RPSA2: variants seen among roughly 807,000 people sequenced by gnomAD.
RPSA2 encodes ribosomal protein SA 2.
chr19:23,816,635 G>T, the RPSA2 span, among the ~76,000 whole-genome samples: 1 of 151,958 alleles, frequency 6.6e-6, no homozygotes, highest in Non-Finnish European at 1.5e-5. Context: ...TAATCATGTT[G>T]TCTATTCATG....
the RPSA2 span, chr19:23,832,154 G>A: frequency 4.8e-6 from 2 of 416,328 alleles, no homozygotes; most frequent in South Asian, 1.9e-5. Context: ...GAAGAATGTG[G>A]CAAAGCATTT....
the RPSA2 span, chr19:23,828,147 TTATGAGTCTATAAATGACTACTTA>T: frequency 1.5e-6 from 1 of 680,730 alleles, no homozygotes. Flanking sequence ...GCTGCAATAA[TTATGAGTCTATAAATGACTACTTA>T]TATGACCATA....
the RPSA2 span, among the ~76,000 whole-genome samples, chr19:23,835,455 A>T: frequency 7.9e-5 from 12 of 152,170 alleles, no homozygotes; most frequent in African/African-American, 2.9e-4. Flanking sequence ...AAAAATTCTC[A>T]AAAATGGTGA....
the RPSA2 span, among the ~76,000 whole-genome samples, chr19:23,810,129 C>T: frequency 1.7e-4 from 26 of 152,132 alleles, no homozygotes; most frequent in Non-Finnish European, 3.5e-4. Context: ...TGCGGTGGCT[C>T]ATGCCTGTAA....
the RPSA2 span, among the ~76,000 whole-genome samples, chr19:23,801,493 G>C: frequency 6.6e-6 from 1 of 152,104 alleles, no homozygotes; most frequent in South Asian, 2.1e-4. Context: ...CACTTGCGTC[G>C]GCCTCCCAAA....
the RPSA2 span, among the ~76,000 whole-genome samples, chr19:23,867,058 T>C: frequency 1.3e-5 from 2 of 152,116 alleles, no homozygotes; most frequent in Non-Finnish European, 2.9e-5. Flanking sequence ...AAAGGAGAAA[T>C]GAGGAAATAA....
At chr19:23,794,433 T>C in the RPSA2 span, among the ~76,000 whole-genome samples, 7 of 152,250 alleles carry the variant, frequency 4.6e-5, no homozygotes, top group African/African-American at 1.7e-4. Flanking sequence ...TTTGCATTTC[T>C]CTAATGATTA....
the RPSA2 span, among the ~76,000 whole-genome samples, chr19:23,870,727 C>T: frequency 6.6e-6 from 1 of 152,070 alleles, no homozygotes; most frequent in East Asian, 1.9e-4. Context: ...AGATGGATTG[C>T]CAATCAGAAA....
the RPSA2 span, among the ~76,000 whole-genome samples, chr19:23,821,389 A>G: frequency 6.6e-6 from 1 of 152,318 alleles, no homozygotes; most frequent in Non-Finnish European, 1.5e-5. Context: ...GCCTATAGAA[A>G]GAAAGGCTTA....
chr19:23,801,108 T>A, the RPSA2 span, among the ~76,000 whole-genome samples: 1 of 152,218 alleles, frequency 6.6e-6, no homozygotes, highest in Non-Finnish European at 1.5e-5. Flanking sequence ...ATGCTCACAA[T>A]TGCAGGTAAC....
the RPSA2 span, among the ~76,000 whole-genome samples, chr19:23,831,025 C>G: frequency 2.6e-5 from 4 of 151,988 alleles, no homozygotes; most frequent in South Asian, 8.3e-4. Flanking sequence ...AGAGTTTACT[C>G]TTGTTATTTT....
At chr19:23,838,725 G>GT in the RPSA2 span, among the ~76,000 whole-genome samples, 2 of 149,620 alleles carry the variant, frequency 1.3e-5, no homozygotes, top group African/African-American at 4.9e-5. Context: ...TAGCTTATGT[G>GT]TATGTGTGTA....
chr19:23,758,698 C>G, the RPSA2 span: 30 of 1,613,994 alleles, frequency 1.9e-5, no homozygotes, highest in African/African-American at 3.5e-4. Context: ...GTCTGAGTCC[C>G]GCCACAGCCC....
At chr19:23,832,722 A>T in the RPSA2 span, 41 of 1,530,920 alleles carry the variant, frequency 2.7e-5, no homozygotes, top group South Asian at 4.2e-4. Context: ...AACCCTACAA[A>T]TGTGAAGAAT....
At chr19:23,797,011 A>C in the RPSA2 span, among the ~76,000 whole-genome samples, 1 of 149,162 alleles carries the variant, frequency 6.7e-6, no homozygotes, top group Non-Finnish European at 1.5e-5. Flanking sequence ...AGATCTTTCA[A>C]ACTTTTTTAG....
the RPSA2 span, chr19:23,782,590 C>CA: frequency 2.3e-4 from 35 of 152,164 alleles, no homozygotes; most frequent in African/African-American, 8.4e-4. Flanking sequence ...CTGGGGCAAG[C>CA]AAAACAGTGA....
At chr19:23,804,403 T>G in the RPSA2 span, among the ~76,000 whole-genome samples, 25,711 of 151,362 alleles carry the variant, frequency 0.17, 2,924 homozygotes, top group East Asian at 0.51. Flanking sequence ...TTCACGGCAT[T>G]CTCCTGCCTC....
the RPSA2 span, among the ~76,000 whole-genome samples, chr19:23,758,543 C>A: frequency 6.6e-6 from 1 of 152,196 alleles, no homozygotes. Flanking sequence ...GAGCTGCAGG[C>A]CAGGACACAG....
the RPSA2 span, among the ~76,000 whole-genome samples, chr19:23,839,895 G>A: frequency 6.6e-6 from 1 of 152,166 alleles, no homozygotes; most frequent in Non-Finnish European, 1.5e-5. Flanking sequence ...TCTCCAGTGG[G>A]GTCGTTGTGT....
Sources: allele counts gnomAD v4.1 joint callset (sites outside exome capture counted in the v4.1 genomes callset), GRCh38; gene constraint gnomAD v4.1.1; transcripts MANE v1.5; gene names NCBI Gene and HGNC (gene_info 2026-07-23, HGNC 2026-07-21).